The following ME3 variants were observed in gnomAD, a reference collection of about 807,000 sequenced individuals.
The protein encoded by ME3 is NADP-dependent malic enzyme, mitochondrial.
Under a neutral mutation model 68.9 loss-of-function variants are expected in ME3, and 48 were observed. That is an observed-to-expected ratio of 0.70 (90% confidence interval 0.55 to 0.89). The LOEUF is 0.89. Among genes scored for constraint, ME3 ranks in the 40% least tolerant of loss-of-function variants. The probability of loss-of-function intolerance (pLI) is 0.00; values close to 1 mark genes in which losing one functional copy is unlikely to be tolerated. For missense variants in ME3, 675 were observed against 797.4 expected (o/e 0.85, Z 1.85); for synonymous variants, 320 against 318.8 (o/e 1.00, Z -0.04).
At position 86,494,737 on chromosome 11, in the gene ME3, T is replaced by C. The variant is rs546328046; in HGVS notation, c.705+3226A>G. On this transcript the variant is annotated intron_variant, in intron 6 of 14. Coordinates refer to ENST00000543262, the Ensembl canonical transcript of ME3. ...TAAAGTGACCAATTAGGTGACAGTGTTGAAACACTGACAACTAGAACATTC... is the reference window on the plus strand; with the variant it reads ...TAAAGTGACCAATTAGGTGACAGTGCTGAAACACTGACAACTAGAACATTC... Among the ~76,000 whole-genome samples, 222 of 152,298 alleles carry C rather than the reference T, an allele frequency of 1.5e-3. 1 individual carries two copies. Among genetic ancestry groups the C allele is most frequent in the Non-Finnish European group, 2.2e-3 (149 of 68,022 alleles).
Position 86,658,551 on chromosome 11 carries a change from G to A in ME3, c.183+13211C>T, listed in dbSNP as rs116811235. Among the ~76,000 whole-genome samples, 1,332 of 152,222 alleles carry A rather than the reference G, an allele frequency of 8.8e-3. 26 individuals are homozygous for A. The highest frequency in any genetic ancestry group is 0.03 in the African/African-American group (1,245 of 41,510). On this transcript the variant is annotated intron_variant, in intron 2 of 14. Coordinates refer to ENST00000543262, the Ensembl canonical transcript of ME3. ...GCCAGTAATTTTGAGCCCCAGAGGA[G>A]GCAGCTGACTCTGTCCAGTTGACAG...
At chr11:86,652,853 T>A (rs1295104582) in intron 2 of ME3, among the ~76,000 whole-genome samples, 1 of 151,014 alleles carries the variant, frequency 6.6e-6, no homozygotes, top group Non-Finnish European at 1.5e-5. Flanking sequence ...GAAACCCATC[T>A]CACGTGCAGA....
chr11:86,589,815 TCTTA>T (rs1222893509), intron 2 of ME3, among the ~76,000 whole-genome samples: 3 of 152,208 alleles, frequency 2.0e-5, no homozygotes, highest in African/African-American at 7.2e-5. Flanking sequence ...AAATAAGGGA[TCTTA>T]CTTGTAAATA....
Position 86,542,207 on chromosome 11 carries a change from G to A in ME3, c.467+14346C>T, listed in dbSNP as rs193300935. Among the ~76,000 whole-genome samples, 156 of 152,230 alleles carry A rather than the reference G, an allele frequency of 1.0e-3. 1 individual carries two copies. Among genetic ancestry groups the A allele is most frequent in the African/African-American group, 3.4e-3 (143 of 41,538 alleles). ...TCCACAAAGATGAGGAAAAAGCAGC[G>A]CAAAAATGCTGAAAATTCCAAAAAC... On this transcript the variant is annotated intron_variant, in intron 4 of 14. Coordinates refer to ENST00000543262, the Ensembl canonical transcript of ME3.
At chr11:86,669,744 G>A (rs950044023) in intron 2 of ME3, among the ~76,000 whole-genome samples, 3 of 152,018 alleles carry the variant, frequency 2.0e-5, no homozygotes, top group Non-Finnish European at 2.9e-5. Context: ...ATAGTACTTG[G>A]GAGAAAAAAA....
intron 2 of ME3, among the ~76,000 whole-genome samples, chr11:86,655,024 G>T (rs1335450941): frequency 6.6e-6 from 1 of 152,078 alleles, no homozygotes; most frequent in East Asian, 1.9e-4. Context: ...AAAATACCTA[G>T]GAATCCAACT....
In ME3 at chr11:86,587,765, C is replaced by T. The variant is rs543567036; in HGVS notation, c.184-27942G>A. Among the ~76,000 whole-genome samples, 9 of 152,236 alleles carry T rather than the reference C, an allele frequency of 5.9e-5. No homozygotes were observed. In the South Asian group the frequency reaches 6.2e-4, roughly 11 times the overall value. On this transcript the variant is annotated intron_variant, in intron 2 of 14. Coordinates refer to ENST00000543262, the Ensembl canonical transcript of ME3. ...ATTACTGTAACTAAGGGAGAATAAC[C>T]GGTCTCTCTCATTTAAAAAGATAAC...
rs752060046 is a variant in ME3, at chr11:86,671,667, C to G, written c.183+95G>C. On this transcript the variant is annotated intron_variant, in intron 2 of 14. Coordinates refer to ENST00000543262, the Ensembl canonical transcript of ME3. ...AAACAGAAAAACCGCTGGAAGGGCG[C>G]CCGGGAGGATCCTTTCTGGGTCCAG... 3.4e-6 allele frequency: 5 copies of G among 1,489,602 alleles called. No individual in the cohort carries two copies. In the South Asian group the frequency reaches 6.1e-5, roughly 18 times the overall value. 92.3% of individuals were successfully genotyped at this position (1,489,602 alleles called of 1,614,324 possible). A position where few individuals can be genotyped will look rare whatever the true frequency, so the allele number is the denominator to read the frequency against.
At chr11:86,663,852 G>A (rs1946431923) in intron 2 of ME3, among the ~76,000 whole-genome samples, 1 of 152,224 alleles carries the variant, frequency 6.6e-6, no homozygotes, top group Admixed American at 6.5e-5. Flanking sequence ...CATATATGGA[G>A]CCCAGACTTA....
chr11:86,447,588 G>A (rs1335262205), intron 11 of ME3, among the ~76,000 whole-genome samples: 1 of 152,106 alleles, frequency 6.6e-6, no homozygotes, highest in Non-Finnish European at 1.5e-5. Context: ...GCTCATGCCT[G>A]CAATCCTAGC....
chr11:86,661,641 C>T (rs780743078), intron 2 of ME3, among the ~76,000 whole-genome samples: 1 of 152,194 alleles, frequency 6.6e-6, no homozygotes, highest in South Asian at 2.1e-4. Context: ...TCATCTACCA[C>T]CTCTGACACT....
intron 2 of ME3, among the ~76,000 whole-genome samples, chr11:86,653,227 C>A (rs897254130): frequency 2.0e-5 from 3 of 152,050 alleles, no homozygotes; most frequent in African/African-American, 7.2e-5. Context: ...ATTGAACTCA[C>A]CTCTACACCA....
At chr11:86,592,101 G>T (rs1246380945) in intron 2 of ME3, among the ~76,000 whole-genome samples, 1 of 152,170 alleles carries the variant, frequency 6.6e-6, no homozygotes, top group African/African-American at 2.4e-5. Context: ...CTGAGAACTG[G>T]GACCACATTC....
intron 11 of ME3, among the ~76,000 whole-genome samples, chr11:86,447,678 C>T (rs1311633018): frequency 2.0e-5 from 3 of 151,868 alleles, no homozygotes; most frequent in South Asian, 2.1e-4. Context: ...GCCAAAATGG[C>T]GAAAACCTGT....
chr11:86,500,295 G>T (rs1331545000), intron 5 of ME3, among the ~76,000 whole-genome samples: 2 of 152,236 alleles, frequency 1.3e-5, no homozygotes, highest in Non-Finnish European at 2.9e-5. Context: ...ACTCCAGGCT[G>T]TTATCCCCAC....
intron 2 of ME3, among the ~76,000 whole-genome samples, chr11:86,597,151 C>T (rs889616029): frequency 2.0e-5 from 3 of 152,340 alleles, no homozygotes; most frequent in Admixed American, 6.5e-5. Flanking sequence ...GACATTTCAG[C>T]AGCAGGACTC....
intron 4 of ME3, among the ~76,000 whole-genome samples, chr11:86,522,351 C>G (rs889138620): frequency 6.7e-6 from 1 of 149,454 alleles, no homozygotes; most frequent in African/African-American, 2.5e-5. Flanking sequence ...AGTGTAATGA[C>G]TATTTTTTTC....
intron 2 of ME3, among the ~76,000 whole-genome samples, chr11:86,579,513 C>A: frequency 6.6e-6 from 1 of 152,178 alleles, no homozygotes; most frequent in Non-Finnish European, 1.5e-5. Flanking sequence ...ATGTGTCTAG[C>A]TACTGGCTGG....
intron 7 of ME3, among the ~76,000 whole-genome samples, chr11:86,474,392 G>A (rs1053482596): frequency 1.3e-5 from 2 of 152,144 alleles, no homozygotes; most frequent in Admixed American, 6.5e-5. Flanking sequence ...TCTGAGTTCC[G>A]GGGCAAGCAC....
Sources: allele counts gnomAD v4.1 joint callset (sites outside exome capture counted in the v4.1 genomes callset), GRCh38; gene constraint gnomAD v4.1.1; transcripts MANE v1.5; gene names NCBI Gene and HGNC (gene_info 2026-07-23, HGNC 2026-07-21).